The following PCDHA2 variants were observed in gnomAD, a reference collection of about 807,000 sequenced individuals.
PCDHA2 encodes protocadherin alpha 2, also known as protocadherin alpha-2.
In PCDHA2, 58 loss-of-function variants were observed where a neutral mutation model predicts 66.0. That is an observed-to-expected ratio of 0.88 (90% CI 0.71 to 1.09). The LOEUF (loss-of-function observed/expected upper bound fraction) is 1.09. PCDHA2 is among the 50% of genes least tolerant of loss of function. PCDHA2 has a pLI of 0.00. For synonymous variants in PCDHA2, 634 were observed against 554.0 expected, an observed-to-expected ratio of 1.14 and a Z score of -2.03; for missense variants, 1,267 against 1,242.3, an observed-to-expected ratio of 1.02 and a Z score of -0.30.
chr5:140,998,241 T>C (rs1554256206), intron 3 of PCDHA2, among the ~76,000 whole-genome samples: 1 of 152,194 alleles, frequency 6.6e-6, no homozygotes, highest in African/African-American at 2.4e-5. Context: ...TGCATTATTA[T>C]ACTCATTTTA....
At chr5:140,856,119 A>G (rs782020835) in intron 1 of PCDHA2, 1 of 1,597,678 alleles carries the variant, frequency 6.3e-7, no homozygotes, top group East Asian at 2.2e-5. Flanking sequence ...GCAGCCTGGG[A>G]GGTGGGGAGC....
At chr5:140,880,068 A>G (rs2058226577) in intron 1 of PCDHA2, among the ~76,000 whole-genome samples, 1 of 152,252 alleles carries the variant, frequency 6.6e-6, no homozygotes, top group South Asian at 2.1e-4. Flanking sequence ...TTTGGGGACC[A>G]CAATTCAACC....
chr5:140,801,830 A>G (rs372863331), intron 1 of PCDHA2: 24 of 1,613,996 alleles, frequency 1.5e-5, no homozygotes, highest in Middle Eastern at 1.6e-4. Flanking sequence ...ATTATTTACT[A>G]ATAACAGCAA....
At position 140,856,129 on chromosome 5, in the gene PCDHA2, C is replaced by A. The variant is rs149039484; in HGVS notation, c.2388+58777C>A. Reference sequence around the variant, plus strand: ...TCCTCGCAGCCTGGGAGGTGGGGAGCGGCCAGCTCCACTACTCAGTCTACG... The same window carrying A: ...TCCTCGCAGCCTGGGAGGTGGGGAGAGGCCAGCTCCACTACTCAGTCTACG... On this transcript the variant is annotated intron_variant, in intron 1 of 3. Coordinates refer to ENST00000526136, the MANE Select transcript of PCDHA2 (RefSeq NM_018905.3). 3,312 of 1,598,096 alleles carry A rather than the reference C, an allele frequency of 2.1e-3. 297 individuals are homozygous for A. Among genetic ancestry groups the A allele is most frequent in the Non-Finnish European group, 2.6e-3 (3,056 of 1,167,792 alleles).
At position 140,874,324 on chromosome 5, in the gene PCDHA2, C is replaced by A. The variant is rs1369470009; in HGVS notation, c.2388+76972C>A. On this transcript the variant is annotated intron_variant, in intron 1 of 3. Transcript: ENST00000526136. Reference sequence around the variant, plus strand: ...TTCACAATGAGTTGTAGGATCTTATCTGTTTTTTTCTCTTAAAGCTGATCT... The same window carrying A: ...TTCACAATGAGTTGTAGGATCTTATATGTTTTTTTCTCTTAAAGCTGATCT... Among the ~76,000 whole-genome samples the A allele has an allele frequency of 2.6e-5, 4 of 151,652 alleles. No individual in the cohort carries two copies. In the East Asian group the frequency reaches 7.7e-4, roughly 29 times the overall value.
chr5:140,926,797 T>C (rs2153584735), intron 1 of PCDHA2: 2 of 1,450,476 alleles, frequency 1.4e-6, no homozygotes, highest in Admixed American at 2.7e-5. Flanking sequence ...AGGAGCGTGC[T>C]CTTCCCCGCG....
At chr5:140,807,614 G>A (rs782288256) in intron 1 of PCDHA2, 58 of 1,614,174 alleles carry the variant, frequency 3.6e-5, no homozygotes, top group Non-Finnish European at 4.8e-5. Context: ...CCTGTCCATC[G>A]CGGAATCCAG....
intron 1 of PCDHA2, among the ~76,000 whole-genome samples, chr5:140,958,134 T>C (rs1235856780): frequency 6.6e-6 from 1 of 152,150 alleles, no homozygotes; most frequent in African/African-American, 2.4e-5. Flanking sequence ...TGTATCAGTG[T>C]GTATATTTAT....
chr5:140,929,161 C>T lies in PCDHA2; in HGVS notation c.2389-49788C>T. On this transcript the variant is annotated intron_variant, in intron 1 of 3. Transcript: ENST00000526136. ...GAGACTTTCTCAGACTTATCTCTAT[C>T]GGGCCTCTCTGGGACTTGGTTCTGA... 2 of 1,614,136 alleles carry T rather than the reference C, an allele frequency of 1.2e-6. No homozygotes were observed. The highest frequency in any genetic ancestry group is 1.7e-6 in the Non-Finnish European group (2 of 1,180,028).
intron 1 of PCDHA2, chr5:140,967,146 AC>A: frequency 6.2e-7 from 1 of 1,610,972 alleles, no homozygotes; most frequent in Non-Finnish European, 8.5e-7. Context: ...CTGGCGCACA[AC>A]CCCGTGGCGG....
intron 1 of PCDHA2, among the ~76,000 whole-genome samples, chr5:140,839,701 G>A (rs1342678083): frequency 6.6e-6 from 1 of 152,034 alleles, no homozygotes; most frequent in Non-Finnish European, 1.5e-5. Context: ...GGTAAATAAT[G>A]TGATGACAAA....
At position 140,841,567 on chromosome 5, in the gene PCDHA2, C is replaced by T. The variant is rs2150318381; in HGVS notation, c.2388+44215C>T. On this transcript the variant is annotated intron_variant, in intron 1 of 3. Transcript: ENST00000526136. ...TTCTGGAGGTAAGTCTGCAGAATGG[C>T]ATTTTGTTTGTGAATTCTCGGATCG... The T allele has an allele frequency of 5.6e-6, 9 of 1,613,816 alleles. No homozygotes were observed. The East Asian group carries it at 6.7e-5, about 12-fold the overall frequency.
intron 1 of PCDHA2, chr5:140,842,575 G>T (rs782407336): frequency 1.3e-6 from 2 of 1,509,128 alleles, no homozygotes; most frequent in East Asian, 4.6e-5. Flanking sequence ...GCGAGAGAGT[G>T]TCGGCCTATG....
intron 1 of PCDHA2, chr5:140,876,542 T>C (rs782388773): frequency 5.0e-6 from 8 of 1,614,194 alleles, no homozygotes; most frequent in Non-Finnish European, 5.9e-6. Flanking sequence ...TCACTGTCGC[T>C]CCCTGTGCAA....
intron 1 of PCDHA2, chr5:140,857,310 A>C (rs781828328): frequency 6.3e-7 from 1 of 1,598,608 alleles, no homozygotes; most frequent in Admixed American, 1.7e-5. Flanking sequence ...TCGGCCTATG[A>C]GCTGGTGGTG....
intron 1 of PCDHA2, among the ~76,000 whole-genome samples, chr5:140,893,945 A>T (rs1293077869): frequency 6.6e-6 from 1 of 152,180 alleles, no homozygotes; most frequent in Non-Finnish European, 1.5e-5. Flanking sequence ...TTAATTCTGC[A>T]TGACTTTATT....
In PCDHA2 at chr5:140,835,819, CG is replaced by C. The variant is rs2150245755; in HGVS notation, c.2388+38472del. On this transcript the variant is annotated intron_variant, in intron 1 of 3. Transcript: ENST00000526136. The stretch of plus-strand genomic sequence containing the variant: ...GGCTGCCACATCTTCACTGTGTCGG[CG>C]GGGGACGCGGACGCGCAGAAGAACG... The C allele has an allele frequency of 7.4e-6, 12 of 1,612,672 alleles. No homozygotes were observed. In the South Asian group the frequency reaches 1.2e-4, roughly 16 times the overall value.
At chr5:140,884,559 C>T (rs782174598) in intron 1 of PCDHA2, 2 of 1,614,094 alleles carry the variant, frequency 1.2e-6, no homozygotes, top group Admixed American at 1.7e-5. Context: ...GGGGAGGGCC[C>T]GCATAAGACG....
rs1554151079 is a variant in PCDHA2 at position 140,858,031 on chromosome 5, G to T, written c.2388+60679G>T. 1.2e-5 allele frequency: 19 copies of T among 1,597,102 alleles called. 3 individuals are homozygous for T. The highest frequency in any genetic ancestry group is 1.5e-5 in the Non-Finnish European group (17 of 1,167,242). On this transcript the variant is annotated intron_variant, in intron 1 of 3. Coordinates refer to ENST00000526136, the MANE Select transcript of PCDHA2 (RefSeq NM_018905.3). ...ATGGCGAGCCGTCGCTGACGGCCACGGCCACTGTGCTTGTGTCGCTTGTGG... is the reference window on the plus strand; with the variant it reads ...ATGGCGAGCCGTCGCTGACGGCCACTGCCACTGTGCTTGTGTCGCTTGTGG...
Sources: gnomAD v4.1 joint callset for allele counts (sites outside exome capture counted in the v4.1 genomes callset) on GRCh38, gnomAD v4.1.1 for gene constraint, MANE v1.5 for transcripts, NCBI Gene and HGNC (gene_info 2026-07-23, HGNC 2026-07-21) for gene names.